Variants in TET2 observed in about 807,000 individuals in gnomAD.
TET2 encodes tet methylcytosine dioxygenase 2.
A neutral mutation model predicts 142.9 loss-of-function variants in TET2; 299 were observed. That is an observed-to-expected ratio of 2.09 (90% CI 1.90 to 2.30). The LOEUF (loss-of-function observed/expected upper bound fraction) is 2.30, where lower values mean the gene tolerates loss of function less well. Ranked by LOEUF, TET2 falls within the 30% of genes most tolerant of loss-of-function variation. The pLI, the probability that TET2 is intolerant of heterozygous loss-of-function variation, is 0.00. For synonymous variants in TET2, 819 were observed against 849.0 expected (o/e 0.96, Z 0.61); for missense variants, 2,418 against 2,378.0 (o/e 1.02, Z -0.35).
chr4:105,156,144 A>G (rs1723555983), intron 1 of TET2, among the ~76,000 whole-genome samples: 1 of 152,190 alleles, frequency 6.6e-6, no homozygotes, highest in Non-Finnish European at 1.5e-5. Flanking sequence ...GTAGTACTTC[A>G]TCTTTGCTTT....
At chr4:105,153,415 A>G (rs963673855) in intron 1 of TET2, among the ~76,000 whole-genome samples, 10 of 152,178 alleles carry the variant, frequency 6.6e-5, no homozygotes, top group African/African-American at 2.4e-4. Context: ...TTAGCAATTT[A>G]TCAATCTTGT....
chr4:105,222,804 G>A lies in TET2; in HGVS notation c.-46-11093G>A, dbSNP rs980790747. Among the ~76,000 whole-genome samples the A allele has an allele frequency of 1.1e-4, 17 of 151,846 alleles. No homozygotes were observed. In the East Asian group the frequency reaches 1.7e-3, roughly 15 times the overall value. On this transcript the variant is annotated intron_variant, in intron 2 of 10. Coordinates refer to ENST00000380013, the MANE Select transcript of TET2 (RefSeq NM_001127208.3). ...AAGTCCTTGCCCGTGCCTATGTCGT[G>A]AATGGTGTTGCCTAGGTTTTCTTCT...
In TET2 at chr4:105,209,063, A is replaced by G. The variant is rs1446943688; in HGVS notation, c.-47+18558A>G. On this transcript the variant is annotated intron_variant, in intron 2 of 10. Coordinates refer to ENST00000380013, the MANE Select transcript of TET2 (RefSeq NM_001127208.3). ...CTCAAGGCATGGTATATATATATAT[A>G]TATATATATATATATATATATATAT... is the stretch of plus-strand genomic sequence containing the variant. Among the ~76,000 whole-genome samples the G allele has an allele frequency of 3.1e-4, 24 of 77,326 alleles. 1 individual carries two copies. The South Asian group carries it at 8.1e-3, about 26-fold the overall frequency. The allele number at this position is 77,326 out of a possible 152,430, so 50.7% of individuals were successfully genotyped here.
intron 3 of TET2, chr4:105,237,855 C>T (rs1352781761): frequency 9.2e-7 from 1 of 1,081,928 alleles, no homozygotes; most frequent in Non-Finnish European, 1.1e-6. Context: ...AATGATAATG[C>T]TGACACTCTT....
intron 1 of TET2, among the ~76,000 whole-genome samples, chr4:105,168,688 C>T (rs1289502847): frequency 2.6e-5 from 4 of 151,904 alleles, no homozygotes; most frequent in Non-Finnish European, 5.9e-5. Context: ...ACCTATCACC[C>T]GAGCAGTATA....
chr4:105,202,012 G>A (rs1042299653), intron 2 of TET2, among the ~76,000 whole-genome samples: 2 of 151,936 alleles, frequency 1.3e-5, no homozygotes, highest in Non-Finnish European at 2.9e-5. Flanking sequence ...CAAAGTGCTG[G>A]AATTATGGGA....
intron 6 of TET2, among the ~76,000 whole-genome samples, chr4:105,251,682 T>C (rs1381251197): frequency 6.6e-6 from 1 of 152,134 alleles, no homozygotes; most frequent in Non-Finnish European, 1.5e-5. Context: ...GGTATACTGA[T>C]CTTTAGTTCT....
chr4:105,243,752 C>G lies in TET2; in HGVS notation c.3777C>G (p.Thr1259=). The G allele has an allele frequency of 6.4e-7, 1 of 1,551,548 alleles. No homozygotes were observed. Among genetic ancestry groups the G allele is most frequent in the Non-Finnish European group, 8.7e-7 (1 of 1,146,908 alleles). Residue 1259 remains threonine, a synonymous_variant, in exon 6 of 11, where the codon ACC becomes ACG. Coordinates refer to ENST00000380013, the MANE Select transcript of TET2 (RefSeq NM_001127208.3). Reference sequence around the variant, plus strand: ...CGCTGAGGAAATACGGCACGCTCACCAATCGCCGGTGTGCCTTGAATGAAG... The same window carrying G: ...CGCTGAGGAAATACGGCACGCTCACGAATCGCCGGTGTGCCTTGAATGAAG... The part of the protein sequence containing the change: ...TETLRKYGTL[T]NRRCALNEER...
intron 2 of TET2, among the ~76,000 whole-genome samples, chr4:105,198,892 C>T (rs1726263450): frequency 6.6e-6 from 1 of 152,162 alleles, no homozygotes; most frequent in South Asian, 2.1e-4. Context: ...GAGCTTGAAC[C>T]TCAGAGATAC....
Position 105,261,081 on chromosome 4 carries a change from T to TA in TET2, c.3955-677dup, listed in dbSNP as rs1730399978. Among the ~76,000 whole-genome samples the TA allele has an allele frequency of 3.9e-5, 6 of 152,138 alleles. No individual in the cohort carries two copies. In the South Asian group the frequency reaches 1.2e-3, roughly 32 times the overall value. On this transcript the variant is annotated intron_variant, in intron 7 of 10. Transcript: ENST00000380013. ...GTTATGTCTCACAACTTTTTTTTTT[T>TA]AGAGAAATATCAATCTGAAATGAAG... is the stretch of plus-strand genomic sequence containing the variant.
Position 105,275,777 on chromosome 4 carries a change from A to C in TET2, c.5267A>C (p.His1756Pro). 1 of 1,551,742 alleles carries C rather than the reference A, an allele frequency of 6.4e-7. No homozygotes were observed. Among genetic ancestry groups the C allele is most frequent in the South Asian group, 1.2e-5 (1 of 84,060 alleles). The change falls in exon 11 of 11, where the codon CAT (histidine) becomes CCT (proline). Residue 1756 changes from histidine (H) to proline (P), a missense_variant. His to Pro is a moderately conservative substitution (Grantham distance 77). Transcript: ENST00000380013. Reference sequence around the variant, plus strand: ...AACATGGACTATAAAAATGGTGAACATCATTCACCTTCTCACATAATCCAT... The same window carrying C: ...AACATGGACTATAAAAATGGTGAACCTCATTCACCTTCTCACATAATCCAT... ...NPNMDYKNGE[H>P]HSPSHIIHNY...
chr4:105,221,692 CCTTTTT>C (rs1727828968), intron 2 of TET2, among the ~76,000 whole-genome samples: 1 of 151,682 alleles, frequency 6.6e-6, no homozygotes, highest in African/African-American at 2.4e-5. Context: ...GTTCAGCAGT[CCTTTTT>C]CTTTTTTTTT....
chr4:105,256,897 T>C (rs1730163471), intron 6 of TET2, among the ~76,000 whole-genome samples: 1 of 152,196 alleles, frequency 6.6e-6, no homozygotes, highest in Non-Finnish European at 1.5e-5. Context: ...CACTTTCAGC[T>C]TTAGAATTCT....
At chr4:105,232,379 G>A (rs1728560500) in intron 2 of TET2, among the ~76,000 whole-genome samples, 1 of 152,256 alleles carries the variant, frequency 6.6e-6, no homozygotes, top group African/African-American at 2.4e-5. Flanking sequence ...TGGGTAATAT[G>A]CCGAATAATG....
chr4:105,211,464 G>A (rs1727155880), intron 2 of TET2, among the ~76,000 whole-genome samples: 1 of 152,184 alleles, frequency 6.6e-6, no homozygotes, highest in South Asian at 2.1e-4. Context: ...TTGAAGAGAA[G>A]AGGGTCCAGT....
chr4:105,235,715 G>GT lies in TET2; in HGVS notation c.1774dup (p.Tyr592LeufsTer46), dbSNP rs1728828726. 1 of 1,614,146 alleles carries GT rather than the reference G, an allele frequency of 6.2e-7. No homozygotes were observed. The highest frequency in any genetic ancestry group is 8.5e-7 in the Non-Finnish European group (1 of 1,180,018). On this transcript the variant is annotated frameshift_variant, in exon 3 of 11. Transcript: ENST00000380013. LOFTEE classifies it high-confidence loss of function. ...AGGCATCACTGCCATCAATTCTTCA[G>GT]TATCAACCCAATCTCTCCAATCAAA...
intron 1 of TET2, chr4:105,171,619 T>C (rs1724472041): frequency 6.6e-6 from 1 of 152,192 alleles, no homozygotes; most frequent in Admixed American, 6.6e-5. Flanking sequence ...AAATTCTGTA[T>C]TGATGCTACC....
In TET2 at chr4:105,198,917, C is replaced by T. The variant is rs372916882; in HGVS notation, c.-47+8412C>T. On this transcript the variant is annotated intron_variant, in intron 2 of 10. Coordinates refer to ENST00000380013, the MANE Select transcript of TET2 (RefSeq NM_001127208.3). ...CTCAGAGATACTTAATTATAATTAA[C>T]ACTTGCAGAACATTTGATACTTACA... 5.2e-4 allele frequency among the ~76,000 whole-genome samples: 79 copies of T among 152,302 alleles called. 1 individual carries two copies. The South Asian group carries it at 7.9e-3, about 15-fold the overall frequency.
chr4:105,228,550 A>C, intron 2 of TET2, among the ~76,000 whole-genome samples: 1 of 152,174 alleles, frequency 6.6e-6, no homozygotes, highest in Admixed American at 6.5e-5. Flanking sequence ...AAGATAATAT[A>C]TTAAATGCTT....
Sources: allele counts gnomAD v4.1 joint callset (sites outside exome capture counted in the v4.1 genomes callset), GRCh38; gene constraint gnomAD v4.1.1; transcripts MANE v1.5; gene names NCBI Gene and HGNC (gene_info 2026-07-23, HGNC 2026-07-21).